CDH13: variants seen among roughly 807,000 people sequenced by gnomAD.
The protein encoded by CDH13 is cadherin 13.
CDH13 carries 24 observed loss-of-function variants against 63.8 expected under a neutral mutation model. The observed-to-expected ratio is 0.38, with a 90% CI of 0.27 to 0.53. The LOEUF is 0.53. Ranked by LOEUF, CDH13 falls within the 20% of genes least tolerant of loss-of-function variation. The pLI is 0.85. For synonymous variants in CDH13, 503 were observed against 355.3 expected, an observed-to-expected ratio of 1.42 and a Z score of -4.67; for missense variants, 1,049 against 903.1, an observed-to-expected ratio of 1.16 and a Z score of -2.07.
At chr16:83,498,081 C>T (rs1012988319) in intron 7 of CDH13, among the ~76,000 whole-genome samples, 10 of 152,062 alleles carry the variant, frequency 6.6e-5, no homozygotes, top group East Asian at 1.9e-4. Context: ...AAAGAGTAAA[C>T]GAAAAAGTGC....
At chr16:83,632,477 A>C (rs1204173040) in intron 8 of CDH13, among the ~76,000 whole-genome samples, 1 of 151,922 alleles carries the variant, frequency 6.6e-6, no homozygotes, top group Non-Finnish European at 1.5e-5. Context: ...AATCCTTATG[A>C]TTTCTTTGTG....
intron 13 of CDH13, among the ~76,000 whole-genome samples, chr16:83,787,050 C>A (rs9931879): frequency 6.6e-6 from 1 of 152,080 alleles, no homozygotes; most frequent in African/African-American, 2.4e-5. Context: ...TTTTACTACA[C>A]ACAAACTGAC....
chr16:82,956,952 T>A (rs1389264101), intron 2 of CDH13, among the ~76,000 whole-genome samples: 1 of 152,196 alleles, frequency 6.6e-6, no homozygotes, highest in African/African-American at 2.4e-5. Context: ...CCCCACTGTG[T>A]CACTTAGAGA....
intron 1 of CDH13, among the ~76,000 whole-genome samples, chr16:82,796,436 T>C (rs2036584936): frequency 6.6e-6 from 1 of 152,228 alleles, no homozygotes; most frequent in East Asian, 1.9e-4. Context: ...ACTGAATTCC[T>C]GTTCTGGGCC....
intron 7 of CDH13, among the ~76,000 whole-genome samples, chr16:83,496,907 A>G (rs949938672): frequency 7.2e-5 from 11 of 152,204 alleles, no homozygotes; most frequent in African/African-American, 1.2e-4. Context: ...AACACATGAA[A>G]AAATGCTCAT....
At chr16:83,334,826 G>A (rs1014377634) in intron 5 of CDH13, among the ~76,000 whole-genome samples, 13 of 152,058 alleles carry the variant, frequency 8.5e-5, no homozygotes, top group Admixed American at 3.3e-4. Context: ...TTTTAGAAAG[G>A]ATATGTAGAT....
At chr16:82,725,920 G>C (rs2033070183) in intron 1 of CDH13, among the ~76,000 whole-genome samples, 1 of 152,150 alleles carries the variant, frequency 6.6e-6, no homozygotes, top group African/African-American at 2.4e-5. Flanking sequence ...TTATGTGGCA[G>C]AGTTTTCTTG....
At chr16:83,092,969 G>A (rs1306702430) in intron 3 of CDH13, among the ~76,000 whole-genome samples, 2 of 152,202 alleles carry the variant, frequency 1.3e-5, no homozygotes, top group African/African-American at 4.8e-5. Flanking sequence ...CCCCAAGTTA[G>A]TAAGGAAGGC....
chr16:82,630,429 C>T (rs1047169662), intron 1 of CDH13, among the ~76,000 whole-genome samples: 1 of 152,154 alleles, frequency 6.6e-6, no homozygotes, highest in Non-Finnish European at 1.5e-5. Context: ...CTAAAAGCCC[C>T]AACAGTCATC....
intron 1 of CDH13, among the ~76,000 whole-genome samples, chr16:82,696,780 T>C (rs1256441912): frequency 6.6e-6 from 1 of 152,192 alleles, no homozygotes; most frequent in Non-Finnish European, 1.5e-5. Context: ...GCAAGTATTA[T>C]TACAGAAACA....
At chr16:83,169,930 TC>T (rs2037850096) in intron 4 of CDH13, among the ~76,000 whole-genome samples, 1 of 152,158 alleles carries the variant, frequency 6.6e-6, no homozygotes, top group Admixed American at 6.6e-5. Context: ...GATTCTTCAG[TC>T]CCTCTAGATC....
intron 6 of CDH13, among the ~76,000 whole-genome samples, chr16:83,351,983 A>C (rs772853046): frequency 6.6e-6 from 1 of 152,164 alleles, no homozygotes; most frequent in African/African-American, 2.4e-5. Context: ...TGGCCTTGCT[A>C]TGGAATCCTT....
chr16:83,352,779 A>G (rs925356868), intron 6 of CDH13, among the ~76,000 whole-genome samples: 7 of 152,172 alleles, frequency 4.6e-5, no homozygotes, highest in African/African-American at 1.7e-4. Flanking sequence ...AGTCCCAGCT[A>G]CTCAAGATGC....
chr16:83,688,772 T>G (rs913609948), intron 10 of CDH13, among the ~76,000 whole-genome samples: 2 of 152,244 alleles, frequency 1.3e-5, no homozygotes, highest in African/African-American at 4.8e-5. Flanking sequence ...TTATTGCCTA[T>G]TCTGCTGTGG....
chr16:83,220,184 C>G (rs991981067), intron 5 of CDH13, among the ~76,000 whole-genome samples: 2 of 152,184 alleles, frequency 1.3e-5, no homozygotes, highest in African/African-American at 4.8e-5. Flanking sequence ...TCATCATACC[C>G]GCACTGAAGC....
At chr16:82,681,379 C>A (rs1218146692) in intron 1 of CDH13, among the ~76,000 whole-genome samples, 1 of 152,154 alleles carries the variant, frequency 6.6e-6, no homozygotes, top group Non-Finnish European at 1.5e-5. Flanking sequence ...CTACTGGGTA[C>A]AGGATTTCCA....
At chr16:82,995,215 A>G (rs994702212) in intron 2 of CDH13, among the ~76,000 whole-genome samples, 1 of 152,200 alleles carries the variant, frequency 6.6e-6, no homozygotes, top group African/African-American at 2.4e-5. Flanking sequence ...AACTGTGGCC[A>G]GAACTCATAG....
At position 83,344,956 on chromosome 16, in the gene CDH13, T is replaced by C; in HGVS notation, c.731T>C (p.Ile244Thr). 1 of 1,613,988 alleles carries C rather than the reference T, an allele frequency of 6.2e-7. No individual in the cohort carries two copies. The highest frequency in any genetic ancestry group is 8.5e-7 in the Non-Finnish European group (1 of 1,179,840). Reference sequence around the variant, plus strand: ...ATTGATCAGAATGACAACCGACCGATCTTTCGGGAAGGCCCCTACATCGGC... The same window carrying C: ...ATTGATCAGAATGACAACCGACCGACCTTTCGGGAAGGCCCCTACATCGGC... ...IVIDQNDNRP[I>T]FREGPYIGHV... Residue 244 changes from isoleucine to threonine, a missense_variant, in exon 6 of 14, where the codon ATC becomes ACC. Transcript: ENST00000567109.
At chr16:83,324,903 C>A (rs375378242) in intron 5 of CDH13, among the ~76,000 whole-genome samples, 2 of 152,162 alleles carry the variant, frequency 1.3e-5, no homozygotes, top group African/African-American at 2.4e-5. Context: ...TTTACAGGGA[C>A]CCATCTGATT....
Sources: gnomAD v4.1 joint callset for allele counts (sites outside exome capture counted in the v4.1 genomes callset) on GRCh38, gnomAD v4.1.1 for gene constraint, MANE v1.5 for transcripts, NCBI Gene and HGNC (gene_info 2026-07-23, HGNC 2026-07-21) for gene names.